The following ANKRD17 variants were observed in gnomAD, a reference collection of about 807,000 sequenced individuals.
ANKRD17 encodes the protein ankyrin repeat domain 17, also known as ankyrin repeat domain-containing protein 17.
Under a neutral mutation model 229.7 loss-of-function variants are expected in ANKRD17, and 19 were observed. That is an observed-to-expected ratio of 0.08 (90% CI 0.06 to 0.12). The LOEUF (loss-of-function observed/expected upper bound fraction) is 0.12, where lower values mean the gene tolerates loss of function less well. Among genes scored for constraint, ANKRD17 ranks in the 10% least tolerant of loss-of-function variants. The pLI is 1.00. For missense variants in ANKRD17, 2,176 were observed against 3,176.8 expected, an observed-to-expected ratio of 0.68 and a Z score of 7.57; for synonymous variants, 1,112 against 1,146.1, an observed-to-expected ratio of 0.97 and a Z score of 0.60.
intron 30 of ANKRD17, among the ~76,000 whole-genome samples, chr4:73,079,942 C>T (rs1721387019): frequency 6.6e-6 from 1 of 151,760 alleles, no homozygotes; most frequent in South Asian, 2.1e-4. Flanking sequence ...CCTGTCTCTA[C>T]TAAAAATACA....
intron 21 of ANKRD17, among the ~76,000 whole-genome samples, 192 bp downstream of exon 21, chr4:73,119,970 C>A (rs1233716397): frequency 3.9e-5 from 6 of 152,072 alleles, no homozygotes; most frequent in African/African-American, 1.4e-4. Context: ...TTAGGTTACA[C>A]AGAAACAAAT....
chr4:73,249,726 G>A (rs1469074694), intron 1 of ANKRD17, among the ~76,000 whole-genome samples: 2 of 152,120 alleles, frequency 1.3e-5, no homozygotes, highest in African/African-American at 2.4e-5. Context: ...TGGTGGCGCC[G>A]GCGCCTGTAG....
chr4:73,144,261 C>T (rs1197937888), intron 11 of ANKRD17, among the ~76,000 whole-genome samples: 1 of 152,128 alleles, frequency 6.6e-6, no homozygotes, highest in Non-Finnish European at 1.5e-5. Context: ...AATGAAAATC[C>T]TCATGCAATT....
chr4:73,165,735 G>A (rs972256542), intron 2 of ANKRD17, among the ~76,000 whole-genome samples: 2 of 152,182 alleles, frequency 1.3e-5, no homozygotes, highest in African/African-American at 4.8e-5. Context: ...TGGCTGGTTG[G>A]AGATAAGGAA....
chr4:73,100,045 C>A (rs578091646), intron 25 of ANKRD17, among the ~76,000 whole-genome samples: 3 of 152,314 alleles, frequency 2.0e-5, no homozygotes. Flanking sequence ...CCTCCTGCTC[C>A]TCCCTGCCCC....
rs188419410 is a variant in ANKRD17, at chr4:73,247,283, C to T, written c.393+10993G>A. Among the ~76,000 whole-genome samples the T allele has an allele frequency of 6.6e-5, 10 of 152,142 alleles. No individual in the cohort carries two copies. In the East Asian group the frequency reaches 1.7e-3, roughly 26 times the overall value. ...TAAATTAACCACATCTAGGAACATT[C>T]TCATACACTGCTGATGCAAGCAAAA... On this transcript the variant is annotated intron_variant, in intron 1 of 33. Transcript: ENST00000358602.
At chr4:73,191,705 TAC>T (rs1323868103) in intron 1 of ANKRD17, among the ~76,000 whole-genome samples, 1 of 151,910 alleles carries the variant, frequency 6.6e-6, no homozygotes, top group East Asian at 1.9e-4. Flanking sequence ...GGCAAAATAT[TAC>T]AGAGTAGGCA....
At chr4:73,201,210 G>GA (rs1371498919) in intron 1 of ANKRD17, among the ~76,000 whole-genome samples, 3 of 151,372 alleles carry the variant, frequency 2.0e-5, no homozygotes, top group East Asian at 1.9e-4. Flanking sequence ...ATAACAGTCA[G>GA]AAAAAAAATG....
chr4:73,125,259 C>T lies in ANKRD17; in HGVS notation c.3288G>A (p.Glu1096=). ...ALTLACAGGH[E]ELVQTLLERG... is the part of the protein sequence containing the mutation. ...TCTCTAGCAGTGTTTGTACCAGTTC[C>T]TCGTGGCCACCAGCACAGGCAAGTG... is the stretch of plus-strand genomic sequence containing the variant. Residue 1096 remains glutamate, a synonymous_variant, in exon 17 of 34, where the codon GAG becomes GAA. Coordinates refer to ENST00000358602, the MANE Select transcript of ANKRD17 (RefSeq NM_032217.5). 6.2e-7 allele frequency: 1 copy of T among 1,613,962 alleles called. No homozygotes were observed.
intron 1 of ANKRD17, among the ~76,000 whole-genome samples, chr4:73,188,150 A>G (rs2149047783): frequency 6.6e-6 from 1 of 152,286 alleles, no homozygotes; most frequent in East Asian, 1.9e-4. Flanking sequence ...ACTAAAACTT[A>G]GCTATAAGAT....
In ANKRD17 at chr4:73,074,772, A is replaced by C. The variant is rs1019715138; in HGVS notation, c.*1459T>G. ...TTTTATGTCTAATTAAAAAAAAAGA[A>C]GACAAATTGATATATACATTACTCG... On this transcript the variant is annotated 3_prime_UTR_variant, in exon 34 of 34. Coordinates refer to ENST00000358602, the MANE Select transcript of ANKRD17 (RefSeq NM_032217.5). 1.3e-5 allele frequency: 2 copies of C among 152,416 alleles called. No individual in the cohort carries two copies. The highest frequency in any genetic ancestry group is 4.8e-5 in the African/African-American group (2 of 41,446). The allele number at this position is 152,416 out of a possible 1,614,324, so 9.4% of individuals were successfully genotyped here.
chr4:73,148,988 A>G lies in ANKRD17; in HGVS notation c.1392T>C (p.Ala464=). 6.2e-7 allele frequency: 1 copy of G among 1,613,120 alleles called. No homozygotes were observed. Among genetic ancestry groups the G allele is most frequent in the South Asian group, 1.1e-5 (1 of 90,962 alleles). ...AAGTTAATGGTGACTCAAATGAATC[A>G]GCAGGCATGTTCACTTGGGCACCGC... is the stretch of plus-strand genomic sequence containing the variant. The part of the protein sequence containing the change: ...LDSGAQVNMP[A]DSFESPLTLA... Residue 464 remains alanine (A), a synonymous_variant, in exon 8 of 34, where the codon GCT becomes GCC. Transcript: ENST00000358602.
chr4:73,239,865 C>A (rs2149258634), intron 1 of ANKRD17, among the ~76,000 whole-genome samples: 1 of 152,214 alleles, frequency 6.6e-6, no homozygotes, highest in East Asian at 1.9e-4. Flanking sequence ...AAGGATATTA[C>A]CCCCTCAATA....
chr4:73,258,318 C>G lies in ANKRD17; in HGVS notation c.351G>C (p.Glu117Asp), dbSNP rs1745664133. Residue 117 changes from glutamate (E) to aspartate (D), a missense_variant, in exon 1 of 34, where the codon GAG becomes GAC. This residue lies in a region of ANKRD17 where 196 missense variants were observed against 190.0 expected (regional missense o/e 1.03). Transcript: ENST00000358602. ...CCTCGTCGTCGTCGTCCTCTTCTTC[C>G]TCGCTGTTGTTACTGCTGGTGCCGC... is the stretch of plus-strand genomic sequence containing the variant. ...GGGGTSSNNSEEEEDDDDEEE... is the reference protein window; with the variant it reads ...GGGGTSSNNSDEEEDDDDEEE... 2 of 1,613,818 alleles carry G rather than the reference C, an allele frequency of 1.2e-6. No homozygotes were observed. The highest frequency in any genetic ancestry group is 1.3e-5 in the African/African-American group (1 of 75,052).
intron 2 of ANKRD17, among the ~76,000 whole-genome samples, chr4:73,175,098 C>T (rs951454984): frequency 3.3e-5 from 5 of 152,138 alleles, no homozygotes; most frequent in Non-Finnish European, 7.4e-5. Flanking sequence ...TTTCACATTG[C>T]TATAAATAAC....
At chr4:73,108,356 T>C (rs1398030021) in intron 24 of ANKRD17, among the ~76,000 whole-genome samples, 2 of 152,072 alleles carry the variant, frequency 1.3e-5, no homozygotes, top group African/African-American at 4.8e-5. Flanking sequence ...AGCAAAGAAG[T>C]CTGGGCTAGA....
Position 73,144,850 on chromosome 4 carries a change from A to G in ANKRD17, c.1870-18T>C. The stretch of plus-strand genomic sequence containing the variant: ...TCATGTTCCTGTTTAAAAAAAAAAA[A>G]AAAGACTTGACATTTAATTGCCAGT... On this transcript the variant is annotated intron_variant, in intron 10 of 33. Transcript: ENST00000358602. 6.4e-7 allele frequency: 1 copy of G among 1,557,286 alleles called. No individual in the cohort carries two copies. The highest frequency in any genetic ancestry group is 8.7e-7 in the Non-Finnish European group (1 of 1,155,172).
At chr4:73,121,133 T>C (rs766554711) in intron 19 of ANKRD17, 39 bp from the exon 20 acceptor site, 9 of 1,523,060 alleles carry the variant, frequency 5.9e-6, no homozygotes, top group South Asian at 5.6e-5. Context: ...TGGAAAAATA[T>C]ATATTTTAAA....
At chr4:73,141,602 T>C (rs929557610) in intron 14 of ANKRD17, 139 bp downstream of exon 14, 2 of 730,324 alleles carry the variant, frequency 2.7e-6, no homozygotes, top group African/African-American at 3.6e-5. Context: ...TTTCTCCCAA[T>C]AACATGCTTT....
Sources: gnomAD v4.1 joint callset for allele counts (sites outside exome capture counted in the v4.1 genomes callset) on GRCh38, gnomAD v4.1.1 for gene constraint, gnomAD v4.1.1 regional missense constraint, MANE v1.5 for transcripts, NCBI Gene and HGNC (gene_info 2026-07-23, HGNC 2026-07-21) for gene names.